Variants in LRRC4C observed in about 807,000 individuals in gnomAD.
LRRC4C encodes the protein leucine-rich repeat-containing protein 4C.
LRRC4C carries 5 observed loss-of-function variants against 33.6 expected under a neutral mutation model. That is an observed-to-expected ratio of 0.15 (90% CI 0.08 to 0.31). LRRC4C has a LOEUF of 0.31. Ranked by LOEUF, LRRC4C falls within the 10% of genes least tolerant of loss-of-function variation. LRRC4C has a pLI of 1.00. For synonymous variants in LRRC4C, 329 were observed against 302.0 expected, an observed-to-expected ratio of 1.09 and a Z score of -0.93; for missense variants, 560 against 796.7, an observed-to-expected ratio of 0.70 and a Z score of 3.58.
intron 1 of LRRC4C, among the ~76,000 whole-genome samples, chr11:40,997,737 G>A (rs1854083989): frequency 6.6e-6 from 1 of 151,436 alleles, no homozygotes; most frequent in Non-Finnish European, 1.5e-5. Context: ...CATGTAGGAT[G>A]AGGAGAGCCT....
intron 2 of LRRC4C, among the ~76,000 whole-genome samples, chr11:40,923,033 C>A (rs1009863080): frequency 6.6e-6 from 1 of 152,174 alleles, no homozygotes; most frequent in Non-Finnish European, 1.5e-5. Context: ...CCATGTTGGG[C>A]AGGCTGGTCT....
chr11:40,449,862 C>G (rs942567362), intron 3 of LRRC4C, among the ~76,000 whole-genome samples: 4 of 152,138 alleles, frequency 2.6e-5, no homozygotes, highest in Admixed American at 1.3e-4. Flanking sequence ...AGCTTGCTAT[C>G]TGGAGAAATA....
At chr11:40,222,987 G>A (rs72889393) in intron 5 of LRRC4C, among the ~76,000 whole-genome samples, 2,979 of 152,124 alleles carry the variant, frequency 0.02, 44 homozygotes, top group Non-Finnish European at 0.029. Flanking sequence ...AACAGTGAGC[G>A]GTCTCATTGG....
At chr11:40,666,739 G>GAA (rs1191432388) in intron 2 of LRRC4C, among the ~76,000 whole-genome samples, 1 of 152,058 alleles carries the variant, frequency 6.6e-6, no homozygotes, top group East Asian at 1.9e-4. Context: ...ATTAACAGGA[G>GAA]AAAAGAGCAA....
At position 40,115,252 on chromosome 11, in the gene LRRC4C, A is replaced by T; in HGVS notation, c.1041T>A (p.Asn347Lys). The T allele has an allele frequency of 6.2e-7, 1 of 1,614,142 alleles. No homozygotes were observed. ...KGRYIGELDQ[N>K]YFTCYAPVIV... ...TCACCGGAGCATAGCATGTGAAGTA[A>T]TTCTGGTCGAGCTCTCCAATGTACC... Residue 347 changes from asparagine (N) to lysine (K), a missense_variant, in exon 7 of 7, where the codon AAT (asparagine) becomes AAA (lysine). By Grantham distance (94) the Asn-to-Lys change is moderately conservative. Coordinates refer to ENST00000528697, the MANE Select transcript of LRRC4C (RefSeq NM_001258419.2). The surrounding 1 kb of genome is among the most constrained non-coding windows in gnomAD (Gnocchi z 6.7).
At position 41,354,856 on chromosome 11, in the gene LRRC4C, G is replaced by T. The variant is rs184505966; in HGVS notation, c.-496+104575C>A. On this transcript the variant is annotated intron_variant, in intron 1 of 6. Coordinates refer to ENST00000528697, the MANE Select transcript of LRRC4C (RefSeq NM_001258419.2). ...CATATATAAAAATCAACTCAAGATT[G>T]ATTAAAGACTTAAACATAAAATGTA... Among the ~76,000 whole-genome samples, 16 of 152,190 alleles carry T rather than the reference G, an allele frequency of 1.1e-4. 1 individual carries two copies. The highest frequency in any genetic ancestry group is 9.8e-4 in the Admixed American group (15 of 15,260).
At chr11:41,311,823 C>T (rs763703998) in intron 1 of LRRC4C, among the ~76,000 whole-genome samples, 1 of 152,034 alleles carries the variant, frequency 6.6e-6, no homozygotes, top group African/African-American at 2.4e-5. Context: ...TTTTTTCTGT[C>T]GTGTGTCATA....
intron 2 of LRRC4C, among the ~76,000 whole-genome samples, chr11:40,775,841 A>C (rs1257582161): frequency 6.6e-6 from 1 of 152,082 alleles, no homozygotes; most frequent in Admixed American, 6.5e-5. Context: ...AATAAACATT[A>C]TTATCTTGTA....
intron 1 of LRRC4C, among the ~76,000 whole-genome samples, chr11:41,403,171 A>T (rs1462010957): frequency 6.6e-6 from 1 of 152,122 alleles, no homozygotes; most frequent in Non-Finnish European, 1.5e-5. Context: ...TGTTCTATGT[A>T]AATATTCTCC....
chr11:40,198,572 A>C (rs1281837989), intron 5 of LRRC4C, among the ~76,000 whole-genome samples: 1 of 152,226 alleles, frequency 6.6e-6, no homozygotes, highest in Non-Finnish European at 1.5e-5. Flanking sequence ...CAGAAAGTCC[A>C]TTTTGAAGCT....
intron 1 of LRRC4C, among the ~76,000 whole-genome samples, chr11:41,093,109 A>C (rs1252106551): frequency 6.6e-6 from 1 of 152,236 alleles, no homozygotes; most frequent in Non-Finnish European, 1.5e-5. Flanking sequence ...TCATTTATTT[A>C]TATAAGAACT....
At chr11:40,361,420 G>A (rs1405397398) in intron 3 of LRRC4C, among the ~76,000 whole-genome samples, 1 of 152,178 alleles carries the variant, frequency 6.6e-6, no homozygotes, top group Non-Finnish European at 1.5e-5. Context: ...ACCAACGACA[G>A]TCAAGCTGAG....
intron 4 of LRRC4C, among the ~76,000 whole-genome samples, chr11:40,251,810 G>A (rs191435433): frequency 5.9e-4 from 89 of 152,120 alleles, no homozygotes; most frequent in Non-Finnish European, 1.1e-3. Flanking sequence ...CATTTCCTGG[G>A]ATTCTCACTG....
chr11:40,343,179 C>T (rs1169060050), intron 3 of LRRC4C, among the ~76,000 whole-genome samples: 1 of 152,066 alleles, frequency 6.6e-6, no homozygotes, highest in African/African-American at 2.4e-5. Context: ...TCAGCTTATA[C>T]ATATACTTTG....
rs148549524 is a variant in LRRC4C at position 41,005,540 on chromosome 11, G to T, written c.-495-71817C>A. 8.5e-4 allele frequency among the ~76,000 whole-genome samples: 130 copies of T among 152,214 alleles called. 2 individuals carry two copies. In the East Asian group the frequency reaches 0.023, roughly 27 times the overall value. ...AATTGCTTGAACCCGGGAGGTGGAG[G>T]TTGCAGTGAGCCGATATCATGCCAC... On this transcript the variant is annotated intron_variant, in intron 1 of 6. Coordinates refer to ENST00000528697, the MANE Select transcript of LRRC4C (RefSeq NM_001258419.2).
intron 1 of LRRC4C, among the ~76,000 whole-genome samples, chr11:41,335,241 C>G (rs1448970722): frequency 6.6e-6 from 1 of 152,178 alleles, no homozygotes; most frequent in Non-Finnish European, 1.5e-5. Context: ...GACATGGTCT[C>G]TGTCCTTAGA....
intron 5 of LRRC4C, among the ~76,000 whole-genome samples, chr11:40,145,118 T>A (rs2135031342): frequency 6.6e-6 from 1 of 152,324 alleles, no homozygotes; most frequent in Non-Finnish European, 1.5e-5. Flanking sequence ...CTGTGTAATA[T>A]GTGTTCAATA....
At chr11:40,829,015 C>CA (rs1952289813) in intron 2 of LRRC4C, among the ~76,000 whole-genome samples, 1 of 151,834 alleles carries the variant, frequency 6.6e-6, no homozygotes, top group Non-Finnish European at 1.5e-5. Context: ...AATGCACAAA[C>CA]AAAAAACTTG....
chr11:40,142,435 G>A (rs991908620), intron 5 of LRRC4C, among the ~76,000 whole-genome samples: 1 of 152,128 alleles, frequency 6.6e-6, no homozygotes, highest in African/African-American at 2.4e-5. Flanking sequence ...CAAGGCTGTA[G>A]GTAACAATTA....
Sources: gnomAD v4.1 joint callset for allele counts (sites outside exome capture counted in the v4.1 genomes callset) on GRCh38, gnomAD v4.1.1 for gene constraint, Gnocchi (gnomAD v3.1) non-coding constraint, MANE v1.5 for transcripts, NCBI Gene and HGNC (gene_info 2026-07-23, HGNC 2026-07-21) for gene names.